The following SLC25A12 variants were observed in gnomAD, a reference collection of about 807,000 sequenced individuals.
SLC25A12 encodes electrogenic aspartate/glutamate antiporter SLC25A12, mitochondrial.
A neutral mutation model predicts 83.3 loss-of-function variants in SLC25A12; 32 were observed. The ratio of observed to expected loss-of-function variants is 0.38; its 90% confidence interval spans 0.29 to 0.52. SLC25A12 has a LOEUF of 0.52. Ranked by LOEUF, SLC25A12 falls within the 20% of genes least tolerant of loss-of-function variation. The pLI is 0.84. For synonymous variants in SLC25A12, 267 were observed against 291.1 expected, an observed-to-expected ratio of 0.92 and a Z score of 0.84; for missense variants, 611 against 835.6, an observed-to-expected ratio of 0.73 and a Z score of 3.31.
intron 13 of SLC25A12, among the ~76,000 whole-genome samples, chr2:171,807,078 A>G (rs1683848950): frequency 6.6e-6 from 1 of 152,254 alleles, no homozygotes; most frequent in Admixed American, 6.5e-5. Context: ...TTATGTTTTA[A>G]CAATCATTTA....
chr2:171,838,209 A>G (rs930026537), intron 5 of SLC25A12, among the ~76,000 whole-genome samples: 11 of 152,218 alleles, frequency 7.2e-5, no homozygotes, highest in East Asian at 5.8e-4. Flanking sequence ...ACATTTACTT[A>G]TCAAAGACTA....
intron 3 of SLC25A12, among the ~76,000 whole-genome samples, chr2:171,864,485 G>A (rs970456375): frequency 1.3e-4 from 20 of 152,152 alleles, no homozygotes; most frequent in Non-Finnish European, 2.2e-4. Flanking sequence ...GCAAGACAGA[G>A]TCAAAAGCCT....
At chr2:171,790,097 C>G (rs1460884192) in intron 15 of SLC25A12, among the ~76,000 whole-genome samples, 1 of 152,194 alleles carries the variant, frequency 6.6e-6, no homozygotes, top group Non-Finnish European at 1.5e-5. Context: ...TCAAAGTCAT[C>G]CCTGTCTTCA....
intron 2 of SLC25A12, among the ~76,000 whole-genome samples, chr2:171,891,888 C>G (rs1323280184): frequency 1.3e-5 from 2 of 152,192 alleles, no homozygotes; most frequent in Non-Finnish European, 2.9e-5. Flanking sequence ...CCCATTTTCA[C>G]AAATTATTTT....
rs199526039 is a variant in SLC25A12 at position 171,785,364 on chromosome 2, G to A, written c.1947C>T (p.Ile649=). 17 of 1,614,034 alleles carry A rather than the reference G, an allele frequency of 1.1e-5. No individual in the cohort carries two copies. Among genetic ancestry groups the A allele is most frequent in the East Asian group, 6.7e-5 (3 of 44,898 alleles). Residue 649 remains isoleucine, a synonymous_variant, in exon 18 of 18, where the codon ATC becomes ATT. Transcript: ENST00000422440. ...GGAGATAAAGGCCAAATTTGTTTTCGATGCCTGCAAACGTGGCTGTGGCGA... is the reference window on the plus strand; with the variant it reads ...GGAGATAAAGGCCAAATTTGTTTTCAATGCCTGCAAACGTGGCTGTGGCGA... ...YRLATATFAG[I]ENKFGLYLPK...
At chr2:171,858,926 TTGTC>T (rs1685095910) in intron 3 of SLC25A12, among the ~76,000 whole-genome samples, 2 of 152,220 alleles carry the variant, frequency 1.3e-5, no homozygotes. Flanking sequence ...TATCTACATT[TTGTC>T]TGTCAGCATA....
intron 2 of SLC25A12, among the ~76,000 whole-genome samples, chr2:171,888,074 C>CCACT (rs953037095): frequency 6.6e-6 from 1 of 151,528 alleles, no homozygotes; most frequent in Non-Finnish European, 1.5e-5. Context: ...AAGTCAGTTG[C>CCACT]CACTTTCTTT....
intron 7 of SLC25A12, 137 bp downstream of exon 7, chr2:171,834,590 C>T (rs1684516428): frequency 2.0e-6 from 2 of 993,074 alleles, no homozygotes; most frequent in East Asian, 2.6e-5. Flanking sequence ...TTTTGGAGCC[C>T]AAGTAAAGCA....
In SLC25A12 at chr2:171,834,069, A is replaced by G; in HGVS notation, c.752-13T>C. 2 of 1,498,120 alleles carry G rather than the reference A, an allele frequency of 1.3e-6. No homozygotes were observed. The highest frequency in any genetic ancestry group is 9.3e-7 in the Non-Finnish European group (1 of 1,074,524). 92.8% of individuals were successfully genotyped at this position (1,498,120 alleles called of 1,614,324 possible). On this transcript the variant is annotated splice_polypyrimidine_tract_variant and intron_variant, in intron 7 of 17. Transcript: ENST00000422440. ...TGGGCAAATTCCTCTGGAACAGAGA[A>G]AAAAAAAGTTAAAATCTTGAATGAT...
intron 2 of SLC25A12, among the ~76,000 whole-genome samples, chr2:171,884,374 A>G (rs1685767373): frequency 6.6e-6 from 1 of 151,530 alleles, no homozygotes; most frequent in African/African-American, 2.4e-5. Flanking sequence ...TATTTTTAGT[A>G]GAGACGGGGT....
chr2:171,892,327 G>A (rs932271824), intron 2 of SLC25A12, among the ~76,000 whole-genome samples: 23 of 151,502 alleles, frequency 1.5e-4, no homozygotes, highest in African/African-American at 4.6e-4. Flanking sequence ...CCGGGTTAAC[G>A]CCATTCTCCT....
intron 3 of SLC25A12, among the ~76,000 whole-genome samples, chr2:171,859,485 A>G (rs1426210886): frequency 3.3e-5 from 5 of 152,190 alleles, no homozygotes; most frequent in Non-Finnish European, 5.9e-5. Flanking sequence ...AAAATAAATC[A>G]ACTGAGTACA....
chr2:171,803,761 C>T (rs1463902766), intron 13 of SLC25A12, among the ~76,000 whole-genome samples: 1 of 151,958 alleles, frequency 6.6e-6, no homozygotes, highest in Non-Finnish European at 1.5e-5. Flanking sequence ...ACAGTCACTG[C>T]ACTCTCAGCT....
chr2:171,881,552 A>G lies in SLC25A12; in HGVS notation c.66+11653T>C, dbSNP rs1685695300. On this transcript the variant is annotated intron_variant, in intron 2 of 17. Coordinates refer to ENST00000422440, the MANE Select transcript of SLC25A12 (RefSeq NM_003705.5). ...GCAGGGAATTATTGGCTTTTGGGGT[A>G]GAGCTCAGGAAGGACTTCAAGCCTT... is the stretch of plus-strand genomic sequence containing the variant. 2.6e-5 allele frequency among the ~76,000 whole-genome samples: 4 copies of G among 152,296 alleles called. No individual in the cohort carries two copies. The South Asian group carries it at 8.3e-4, about 32-fold the overall frequency.
Position 171,783,512 on chromosome 2 carries a change from T to C in SLC25A12, c.*1762A>G, listed in dbSNP as rs1421467515. 6.6e-6 allele frequency among the ~76,000 whole-genome samples: 1 copy of C among 152,210 alleles called. No individual in the cohort carries two copies. Among genetic ancestry groups the C allele is most frequent in the African/African-American group, 2.4e-5 (1 of 41,466 alleles). ...CACACACATAACATAATCCTGTTTC[T>C]AAAATATAAATATGTACATATATTT... On this transcript the variant is annotated 3_prime_UTR_variant, in exon 18 of 18. Transcript: ENST00000422440.
In SLC25A12 at chr2:171,846,763, G is replaced by A. The variant is rs536422883; in HGVS notation, c.326-2255C>T. On this transcript the variant is annotated intron_variant, in intron 4 of 17. Transcript: ENST00000422440. ...GGAGGTTGCAGTGAGCCAAGATTGCGCCACTGCACTCCAGCCTGGGTGACA... is the reference window on the plus strand; with the variant it reads ...GGAGGTTGCAGTGAGCCAAGATTGCACCACTGCACTCCAGCCTGGGTGACA... Among the ~76,000 whole-genome samples, 228 of 152,188 alleles carry A rather than the reference G, an allele frequency of 1.5e-3. 1 individual carries two copies. The highest frequency in any genetic ancestry group is 4.0e-3 in the African/African-American group (168 of 41,518).
At chr2:171,849,654 C>T (rs925174053) in intron 4 of SLC25A12, among the ~76,000 whole-genome samples, 1 of 151,506 alleles carries the variant, frequency 6.6e-6, no homozygotes, top group Non-Finnish European at 1.5e-5. Flanking sequence ...CTCAGCCTCC[C>T]GGGTTCACGC....
At chr2:171,848,317 C>T (rs1208361759) in intron 4 of SLC25A12, 1 of 470,682 alleles carries the variant, frequency 2.1e-6, no homozygotes, top group African/African-American at 2.0e-5. Context: ...CACAGCCCAC[C>T]TACCATCAGC....
intron 13 of SLC25A12, among the ~76,000 whole-genome samples, chr2:171,797,830 A>G (rs1212430819): frequency 1.3e-5 from 2 of 152,196 alleles, no homozygotes; most frequent in African/African-American, 4.8e-5. Flanking sequence ...ATAAATGTAA[A>G]TGGACATTGC....
Sources: gnomAD v4.1 joint callset for allele counts (sites outside exome capture counted in the v4.1 genomes callset) on GRCh38, gnomAD v4.1.1 for gene constraint, MANE v1.5 for transcripts, NCBI Gene and HGNC (gene_info 2026-07-23, HGNC 2026-07-21) for gene names.